PTPN14: variants seen among roughly 807,000 people sequenced by gnomAD.
PTPN14 encodes protein tyrosine phosphatase non-receptor type 14, also known as tyrosine-protein phosphatase non-receptor type 14.
Under a neutral mutation model 126.8 loss-of-function variants are expected in PTPN14, and 53 were observed. The observed-to-expected ratio is 0.42, with a 90% CI of 0.34 to 0.53. The LOEUF is 0.53. PTPN14 is among the 20% of genes least tolerant of loss of function. The pLI is 0.08. For synonymous variants in PTPN14, 630 were observed against 599.3 expected, an observed-to-expected ratio of 1.05 and a Z score of -0.75; for missense variants, 1,257 against 1,552.9, an observed-to-expected ratio of 0.81 and a Z score of 3.20.
rs75105952 is a variant in PTPN14, at chr1:214,490,251, C to T, written c.-154-25294G>A. On this transcript the variant is annotated intron_variant, in intron 1 of 18. Transcript: ENST00000366956. ...AAAGTTACAAGGGGGAAATGTTTCA[C>T]ATATAACCTTGAAATAAATCTTTTC... Among the ~76,000 whole-genome samples, 4 of 152,314 alleles carry T rather than the reference C, an allele frequency of 2.6e-5. No individual in the cohort carries two copies. In the East Asian group the frequency reaches 7.7e-4, roughly 29 times the overall value.
At chr1:214,491,211 G>A (rs1001566693) in intron 1 of PTPN14, among the ~76,000 whole-genome samples, 18 of 152,016 alleles carry the variant, frequency 1.2e-4, no homozygotes, top group African/African-American at 4.1e-4. Context: ...GACTGAGAAT[G>A]GTCTGGTAAA....
intron 2 of PTPN14, among the ~76,000 whole-genome samples, chr1:214,459,784 A>G (rs1490238423): frequency 6.6e-6 from 1 of 152,140 alleles, no homozygotes; most frequent in Non-Finnish European, 1.5e-5. Context: ...ACTCTTTTCT[A>G]CTACTGAGTG....
intron 3 of PTPN14, among the ~76,000 whole-genome samples, chr1:214,418,849 G>C (rs1419628319): frequency 6.6e-6 from 1 of 152,212 alleles, no homozygotes; most frequent in South Asian, 2.1e-4. Flanking sequence ...GGAAGGGAAA[G>C]AAGACTGAGT....
Position 214,384,005 on chromosome 1 carries a change from A to G in PTPN14, c.1850T>C (p.Val617Ala). The change falls in exon 13 of 19, where the codon GTT (valine) becomes GCT (alanine). Residue 617 changes from valine to alanine, a missense_variant. Val to Ala is a moderately conservative substitution (Grantham distance 64, BLOSUM62 0). This residue lies in a region of PTPN14 where 1,021 missense variants were observed against 1,183.3 expected (regional missense o/e 0.86). Transcript: ENST00000366956. The surrounding 1 kb of genome is among the most constrained non-coding windows in gnomAD (Gnocchi z 5.3). ...GCTCACCTCCTGGAGAGACTGATGAACCACCGGAGAGCTGTCCTCTTGGAA... is the reference window on the plus strand; with the variant it reads ...GCTCACCTCCTGGAGAGACTGATGAGCCACCGGAGAGCTGTCCTCTTGGAA... The part of the protein sequence containing the change: ...KTFQEDSSPV[V>A]HQSLQEVSEP... 1 of 1,606,936 alleles carries G rather than the reference A, an allele frequency of 6.2e-7. No homozygotes were observed. The highest frequency in any genetic ancestry group is 2.2e-5 in the East Asian group (1 of 44,792).
chr1:214,400,896 GA>G (rs1376492229), intron 7 of PTPN14, among the ~76,000 whole-genome samples: 1 of 152,224 alleles, frequency 6.6e-6, no homozygotes, highest in African/African-American at 2.4e-5. Context: ...ACGTGCAACA[GA>G]GGGGGAACTG....
rs115053573 is a variant in PTPN14 at position 214,397,287 on chromosome 1, C to T, written c.758+626G>A. Among the ~76,000 whole-genome samples the T allele has an allele frequency of 8.8e-3, 1,346 of 152,188 alleles. 20 individuals are homozygous for T. Among genetic ancestry groups the T allele is most frequent in the African/African-American group, 0.031 (1,282 of 41,510 alleles). On this transcript the variant is annotated intron_variant, in intron 8 of 18. Coordinates refer to ENST00000366956, the MANE Select transcript of PTPN14 (RefSeq NM_005401.5). ...AGAAAGCTGTTCTTCCAATCATGGG[C>T]CATGTTGCCCTTGTAAATGAAAGCT...
chr1:214,380,114 T>C (rs1658438561), intron 13 of PTPN14, among the ~76,000 whole-genome samples: 1 of 152,222 alleles, frequency 6.6e-6, no homozygotes, highest in South Asian at 2.1e-4. Context: ...TGCTTGCTGC[T>C]AGTTTTGGGG....
intron 1 of PTPN14, among the ~76,000 whole-genome samples, chr1:214,502,058 CAAAAAAAAAAAAAAAA>C (rs60034306): frequency 1.4e-5 from 1 of 70,996 alleles, no homozygotes; most frequent in Non-Finnish European, 3.1e-5. Context: ...GGCTCTGTCT[CAAAAAAAAAAAAAAAA>C]AAAAAAAAGG....
At chr1:214,458,963 C>T (rs1212930960) in intron 2 of PTPN14, among the ~76,000 whole-genome samples, 1 of 69,988 alleles carries the variant, frequency 1.4e-5, no homozygotes, top group Non-Finnish European at 2.8e-5. Context: ...TCTGAGCTTC[C>T]TATATCTCTG....
In PTPN14 at chr1:214,398,005, G is replaced by A. The variant is rs1000007993; in HGVS notation, c.670-4C>T. ...GTACACAGTTTCCATGATTGTCCTG[G>A]GTAAGACCAACAAAAGATACTTGTG... is the stretch of plus-strand genomic sequence containing the variant. On this transcript the variant is annotated splice_region_variant and splice_polypyrimidine_tract_variant and intron_variant, in intron 7 of 18. Coordinates refer to ENST00000366956, the MANE Select transcript of PTPN14 (RefSeq NM_005401.5). 5 of 1,601,084 alleles carry A rather than the reference G, an allele frequency of 3.1e-6. No homozygotes were observed. The highest frequency in any genetic ancestry group is 2.7e-5 in the African/African-American group (2 of 74,584).
chr1:214,524,956 T>C (rs188711305), intron 1 of PTPN14, among the ~76,000 whole-genome samples: 1 of 152,252 alleles, frequency 6.6e-6, no homozygotes, highest in East Asian at 1.9e-4. Context: ...ATGTAGTAAG[T>C]GTACACTATA....
At chr1:214,374,346 C>T (rs1443524502) in intron 15 of PTPN14, among the ~76,000 whole-genome samples, 1 of 152,200 alleles carries the variant, frequency 6.6e-6, no homozygotes, top group African/African-American at 2.4e-5. Context: ...AGATAACATT[C>T]ATATATTTGC....
chr1:214,392,667 A>T (rs1159687625), intron 10 of PTPN14, among the ~76,000 whole-genome samples: 1 of 152,178 alleles, frequency 6.6e-6, no homozygotes, highest in Non-Finnish European at 1.5e-5. Context: ...CAGCCGCTTC[A>T]CTTGCCACTC....
Position 214,383,380 on chromosome 1 carries a change from C to A in PTPN14, c.2475G>T (p.Val825=), listed in dbSNP as rs989574449. The A allele has an allele frequency of 2.5e-6, 4 of 1,614,144 alleles. No homozygotes were observed. The highest frequency in any genetic ancestry group is 1.6e-4 in the Middle Eastern group (1 of 6,084). ...ACATTTCAGACACAGGTCTCTCCTT[C>A]ACAGGCTCTTTTTTGACCCGCTCCT... is the stretch of plus-strand genomic sequence containing the variant. ...SVKERVKKEP[V]KERPVSEMFS... The change falls in exon 13 of 19, where the codon GTG becomes GTT. Residue 825 remains valine (V), a synonymous_variant. Coordinates refer to ENST00000366956, the MANE Select transcript of PTPN14 (RefSeq NM_005401.5). The surrounding 1 kb of genome is among the most constrained non-coding windows in gnomAD (Gnocchi z 4.4).
chr1:214,513,445 C>CAA (rs113773162), intron 1 of PTPN14, among the ~76,000 whole-genome samples: 11,187 of 146,922 alleles, frequency 0.076, 1,171 homozygotes, highest in African/African-American at 0.23. Context: ...ATTAGTTCTT[C>CAA]AAAAAAAAAA....
At chr1:214,454,875 G>C (rs1660349149) in intron 2 of PTPN14, among the ~76,000 whole-genome samples, 1 of 152,156 alleles carries the variant, frequency 6.6e-6, no homozygotes, top group African/African-American at 2.4e-5. Flanking sequence ...GTAATCTGGA[G>C]GACAGAGTTT....
At chr1:214,520,065 A>AATATATATATATATATATAT (rs1553274995) in intron 1 of PTPN14, among the ~76,000 whole-genome samples, 49 of 71,056 alleles carry the variant, frequency 6.9e-4, no homozygotes, top group East Asian at 4.8e-3. Context: ...AAAAAAAAAA[A>AATATATATATATATATATAT]ATATATATAT....
At chr1:214,487,543 T>C (rs943016586) in intron 1 of PTPN14, among the ~76,000 whole-genome samples, 3 of 151,444 alleles carry the variant, frequency 2.0e-5, no homozygotes, top group African/African-American at 7.3e-5. Context: ...GGAGAATCAC[T>C]TGAACCCTTG....
intron 1 of PTPN14, among the ~76,000 whole-genome samples, chr1:214,500,670 C>G (rs138999999): frequency 6.6e-6 from 1 of 152,062 alleles, no homozygotes; most frequent in African/African-American, 2.4e-5. Flanking sequence ...AGATTTTAAC[C>G]GATATAAGGC....
Sources: gnomAD v4.1 joint callset for allele counts (sites outside exome capture counted in the v4.1 genomes callset) on GRCh38, gnomAD v4.1.1 for gene constraint, gnomAD v4.1.1 regional missense constraint, Gnocchi (gnomAD v3.1) non-coding constraint, MANE v1.5 for transcripts, NCBI Gene and HGNC (gene_info 2026-07-23, HGNC 2026-07-21) for gene names.